The following POU6F2 variants were observed in gnomAD, a reference collection of about 807,000 sequenced individuals.
POU6F2 encodes POU class 6 homeobox 2.
A neutral mutation model predicts 71.3 loss-of-function variants in POU6F2; 31 were observed. That is an observed-to-expected ratio of 0.43 (90% CI 0.33 to 0.59). POU6F2 has a LOEUF of 0.59. Ranked by LOEUF, POU6F2 falls within the 20% of genes least tolerant of loss-of-function variation. POU6F2 has a pLI of 0.04. For synonymous variants in POU6F2, 347 were observed against 355.7 expected (o/e 0.98, Z 0.27); for missense variants, 783 against 856.8 (o/e 0.91, Z 1.07).
chr7:39,302,868 A>T (rs1412398236), intron 4 of POU6F2, among the ~76,000 whole-genome samples: 1 of 152,240 alleles, frequency 6.6e-6, no homozygotes, highest in Non-Finnish European at 1.5e-5. Flanking sequence ...CCTAGATATG[A>T]GGTCTAATCC....
intron 4 of POU6F2, among the ~76,000 whole-genome samples, chr7:39,238,941 A>G (rs1794726019): frequency 6.6e-6 from 1 of 152,196 alleles, no homozygotes; most frequent in African/African-American, 2.4e-5. Context: ...ATGTACGGTC[A>G]CATTTATATG....
chr7:39,137,962 T>C (rs1792419493), intron 2 of POU6F2, among the ~76,000 whole-genome samples: 1 of 152,192 alleles, frequency 6.6e-6, no homozygotes, highest in African/African-American at 2.4e-5. Flanking sequence ...GAGGACTGAG[T>C]AATGTGAGCA....
chr7:39,209,374 G>T (rs1360951120), intron 4 of POU6F2, among the ~76,000 whole-genome samples: 1 of 152,142 alleles, frequency 6.6e-6, no homozygotes, highest in African/African-American at 2.4e-5. Context: ...ATCATCTTCA[G>T]AAGTGGGTTG....
At chr7:39,159,631 G>C (rs1047437086) in intron 2 of POU6F2, among the ~76,000 whole-genome samples, 2 of 152,092 alleles carry the variant, frequency 1.3e-5, no homozygotes, top group Admixed American at 6.5e-5. Flanking sequence ...AAAATGCATA[G>C]AACATATATT....
chr7:39,142,013 G>C (rs1792513677), intron 2 of POU6F2, among the ~76,000 whole-genome samples: 2 of 152,142 alleles, frequency 1.3e-5, no homozygotes, highest in African/African-American at 4.8e-5. Context: ...CTTGAACTCA[G>C]GAGATGGAGG....
chr7:38,996,111 C>T (rs1470326483), intron 1 of POU6F2, among the ~76,000 whole-genome samples: 1 of 141,388 alleles, frequency 7.1e-6, no homozygotes, highest in East Asian at 2.2e-4. Flanking sequence ...GCGATCTCGG[C>T]TCACTGCAAC....
intron 2 of POU6F2, among the ~76,000 whole-genome samples, chr7:39,114,838 A>G (rs578132269): frequency 6.6e-6 from 1 of 152,310 alleles, no homozygotes; most frequent in South Asian, 2.1e-4. Context: ...AAATTTTATA[A>G]AAGATGCATA....
chr7:39,221,345 G>T (rs767729199), intron 4 of POU6F2, among the ~76,000 whole-genome samples: 4 of 147,640 alleles, frequency 2.7e-5, no homozygotes, highest in African/African-American at 1.0e-4. Flanking sequence ...AGTTTTATGC[G>T]CAATTTCCAT....
At chr7:39,018,263 C>T (rs1263186928) in intron 1 of POU6F2, among the ~76,000 whole-genome samples, 1 of 152,098 alleles carries the variant, frequency 6.6e-6, no homozygotes, top group Non-Finnish European at 1.5e-5. Context: ...CCATTATTTT[C>T]CTTTGTATAC....
At chr7:39,120,863 G>A (rs1456411824) in intron 2 of POU6F2, 1 of 152,132 alleles carries the variant, frequency 6.6e-6, no homozygotes, top group Admixed American at 6.5e-5. Flanking sequence ...TGATACAGGA[G>A]TGCCAGGACT....
At chr7:39,289,007 C>T (rs1024225616) in intron 4 of POU6F2, among the ~76,000 whole-genome samples, 2 of 152,220 alleles carry the variant, frequency 1.3e-5, no homozygotes, top group African/African-American at 4.8e-5. Flanking sequence ...CCAAACATTG[C>T]TTCTGATCTT....
Position 39,052,551 on chromosome 7 carries a change from A to G in POU6F2, c.106-33309A>G, listed in dbSNP as rs150762449. On this transcript the variant is annotated intron_variant, in intron 1 of 9. Coordinates refer to ENST00000518318, the MANE Select transcript of POU6F2 (RefSeq NM_001370959.1). ...CTCACTATCACAAGAACAGCATGGGAGAAACGGCCCCCATGATCCAATTAC... is the reference window on the plus strand; with the variant it reads ...CTCACTATCACAAGAACAGCATGGGGGAAACGGCCCCCATGATCCAATTAC... Among the ~76,000 whole-genome samples the G allele has an allele frequency of 1.5e-4, 23 of 152,190 alleles. 2 individuals carry two copies. In the East Asian group the frequency reaches 4.5e-3, roughly 30 times the overall value.
At chr7:39,183,053 G>A (rs1940935726) in intron 2 of POU6F2, among the ~76,000 whole-genome samples, 1 of 152,204 alleles carries the variant, frequency 6.6e-6, no homozygotes, top group Non-Finnish European at 1.5e-5. Context: ...TGCACAGCAG[G>A]AGGTGAGAGG....
chr7:39,255,184 A>G (rs928531152), intron 4 of POU6F2, among the ~76,000 whole-genome samples: 2 of 152,232 alleles, frequency 1.3e-5, no homozygotes, highest in Non-Finnish European at 2.9e-5. Context: ...TCACTTTAAA[A>G]AATTAATGTG....
intron 1 of POU6F2, among the ~76,000 whole-genome samples, chr7:39,009,554 A>T (rs1275544680): frequency 3.3e-5 from 5 of 152,270 alleles, no homozygotes; most frequent in Non-Finnish European, 5.9e-5. Context: ...AACTTCCAAC[A>T]CTATGTTGAA....
chr7:39,142,022 G>A (rs553558335), intron 2 of POU6F2, among the ~76,000 whole-genome samples: 8 of 152,232 alleles, frequency 5.3e-5, no homozygotes, highest in African/African-American at 1.9e-4. Flanking sequence ...AGGAGATGGA[G>A]GTTGCAGTGA....
At chr7:39,287,826 A>C (rs950923426) in intron 4 of POU6F2, among the ~76,000 whole-genome samples, 2 of 152,216 alleles carry the variant, frequency 1.3e-5, no homozygotes, top group African/African-American at 4.8e-5. Context: ...CAAGAATGTC[A>C]GGTGATTTCT....
chr7:39,329,048 C>G (rs1243197857), intron 4 of POU6F2: 3 of 159,482 alleles, frequency 1.9e-5, no homozygotes, highest in Non-Finnish European at 4.2e-5. Flanking sequence ...TACTTCATCT[C>G]AATTTACAGT....
chr7:39,262,229 G>A (rs190703930), intron 4 of POU6F2, among the ~76,000 whole-genome samples: 2 of 152,308 alleles, frequency 1.3e-5, no homozygotes, highest in Admixed American at 1.3e-4. Flanking sequence ...TGAGACCTTG[G>A]TGGGACATCA....
Sources: allele counts gnomAD v4.1 joint callset (sites outside exome capture counted in the v4.1 genomes callset), GRCh38; gene constraint gnomAD v4.1.1; transcripts MANE v1.5; gene names NCBI Gene and HGNC (gene_info 2026-07-23, HGNC 2026-07-21).